The following IMMP2L variants were observed in gnomAD, a reference collection of about 807,000 sequenced individuals.
IMMP2L encodes the protein inner mitochondrial membrane peptidase subunit 2.
A neutral mutation model predicts 19.3 loss-of-function variants in IMMP2L; 18 were observed. The ratio of observed to expected loss-of-function variants is 0.93; its 90% CI spans 0.64 to 1.38. The LOEUF is 1.38. IMMP2L is among the 40% of genes most tolerant of loss of function. The probability of loss-of-function intolerance (pLI) is 0.00; values close to 1 mark genes in which losing one functional copy is unlikely to be tolerated. For synonymous variants in IMMP2L, 76 were observed against 73.0 expected, an observed-to-expected ratio of 1.04 and a Z score of -0.21; for missense variants, 233 against 218.2, an observed-to-expected ratio of 1.07 and a Z score of -0.43.
chr7:111,476,590 G>A (rs1841745444), intron 3 of IMMP2L, among the ~76,000 whole-genome samples: 1 of 152,118 alleles, frequency 6.6e-6, no homozygotes, highest in Non-Finnish European at 1.5e-5. Context: ...GGTGTCAGTG[G>A]GACTAGGTCC....
At chr7:110,751,516 A>G (rs1797719297) in intron 5 of IMMP2L, among the ~76,000 whole-genome samples, 1 of 152,042 alleles carries the variant, frequency 6.6e-6, no homozygotes, top group South Asian at 2.1e-4. Context: ...AGCACTAAAG[A>G]GAAAAAAAGA....
intron 2 of IMMP2L, among the ~76,000 whole-genome samples, chr7:111,492,124 C>A (rs1023276443): frequency 1.3e-5 from 2 of 151,314 alleles, no homozygotes; most frequent in African/African-American, 4.9e-5. Context: ...TCTATAAGCT[C>A]TTTTTTTTTC....
At chr7:110,970,687 C>A (rs1157454825) in intron 3 of IMMP2L, among the ~76,000 whole-genome samples, 10 of 152,078 alleles carry the variant, frequency 6.6e-5, no homozygotes, top group African/African-American at 2.4e-4. Flanking sequence ...GAAGCACCAC[C>A]GCTCTGTTCC....
At chr7:110,748,413 G>A (rs1426077526) in intron 5 of IMMP2L, among the ~76,000 whole-genome samples, 1 of 152,080 alleles carries the variant, frequency 6.6e-6, no homozygotes, top group Non-Finnish European at 1.5e-5. Flanking sequence ...AATTTCATAT[G>A]GAACCAAAAA....
At chr7:111,418,839 A>T (rs978271234) in intron 3 of IMMP2L, among the ~76,000 whole-genome samples, 2 of 151,912 alleles carry the variant, frequency 1.3e-5, no homozygotes, top group African/African-American at 4.9e-5. Flanking sequence ...TTATATTTGT[A>T]CACATACAAA....
At chr7:111,534,228 C>G (rs539504084) in intron 1 of IMMP2L, among the ~76,000 whole-genome samples, 1 of 152,082 alleles carries the variant, frequency 6.6e-6, no homozygotes, top group African/African-American at 2.4e-5. Context: ...ATTCAACATA[C>G]CATTTTTATT....
intron 3 of IMMP2L, among the ~76,000 whole-genome samples, chr7:111,471,984 C>A (rs947796877): frequency 1.3e-5 from 2 of 152,058 alleles, no homozygotes; most frequent in African/African-American, 4.8e-5. Flanking sequence ...CTCTATTATT[C>A]CACCTCTTGA....
In IMMP2L at chr7:111,281,124, GAGAAAGAGAGAAAGACAGAAAGAC is replaced by G. The variant is rs1563003840; in HGVS notation, c.239+206090_239+206113del. On this transcript the variant is annotated intron_variant, in intron 3 of 5. Transcript: ENST00000405709. The stretch of plus-strand genomic sequence containing the variant: ...AGAGAAAGAGAGAAAGAGAGAAAGA[GAGAAAGAGAGAAAGACAGAAAGAC>G]AGAAAGACAGAAAGAAAGAAAGAAA... Among the ~76,000 whole-genome samples the G allele has an allele frequency of 1.6e-3, 115 of 71,834 alleles. 4 individuals are homozygous for G. Among genetic ancestry groups the G allele is most frequent in the Admixed American group, 3.7e-3 (20 of 5,472 alleles). 47.1% of individuals were successfully genotyped at this position (71,834 alleles called of 152,430 possible). A position where few individuals can be genotyped will look rare whatever the true frequency, so the allele number is the denominator to read the frequency against.
chr7:110,723,732 C>T (rs1795718245), intron 5 of IMMP2L, among the ~76,000 whole-genome samples: 1 of 151,616 alleles, frequency 6.6e-6, no homozygotes, highest in Non-Finnish European at 1.5e-5. Context: ...GGCCATGGAG[C>T]CAAATGAATT....
intron 5 of IMMP2L, among the ~76,000 whole-genome samples, chr7:110,701,680 C>T (rs1245650730): frequency 6.6e-6 from 1 of 152,106 alleles, no homozygotes. Context: ...CTGCCTTGGC[C>T]TCCCAAAATG....
chr7:110,764,792 C>A (rs1798561013), intron 5 of IMMP2L, among the ~76,000 whole-genome samples: 1 of 152,024 alleles, frequency 6.6e-6, no homozygotes, highest in Admixed American at 6.6e-5. Flanking sequence ...AGTGCAGCAT[C>A]ATTACTCCTG....
intron 3 of IMMP2L, among the ~76,000 whole-genome samples, chr7:111,038,575 A>C (rs962696444): frequency 6.6e-5 from 10 of 152,150 alleles, no homozygotes; most frequent in Non-Finnish European, 1.2e-4. Context: ...CTAAAATGTA[A>C]AGAGGTGAAG....
At chr7:111,333,508 A>C (rs115463269) in intron 3 of IMMP2L, among the ~76,000 whole-genome samples, 3,016 of 152,114 alleles carry the variant, frequency 0.02, 109 homozygotes, top group African/African-American at 0.069. Flanking sequence ...CAAGTTGACA[A>C]GGGGTCGACT....
At chr7:111,135,991 T>A (rs955163784) in intron 3 of IMMP2L, among the ~76,000 whole-genome samples, 1 of 152,128 alleles carries the variant, frequency 6.6e-6, no homozygotes, top group Non-Finnish European at 1.5e-5. Context: ...ATTACCATTA[T>A]ATAGTAAATA....
chr7:110,861,098 T>TGTGAGAGAGAGAGAGA (rs780880935), intron 5 of IMMP2L, among the ~76,000 whole-genome samples: 1 of 141,730 alleles, frequency 7.1e-6, no homozygotes, highest in African/African-American at 2.7e-5. Flanking sequence ...TGTGTGTGTG[T>TGTGAGAGAGAGAGAGA]GAGAGAGAGA....
intron 3 of IMMP2L, among the ~76,000 whole-genome samples, chr7:111,109,523 C>T (rs910345836): frequency 1.3e-5 from 2 of 152,060 alleles, no homozygotes; most frequent in Non-Finnish European, 2.9e-5. Flanking sequence ...ATCTGCGACA[C>T]AAAGCTTTAT....
intron 3 of IMMP2L, among the ~76,000 whole-genome samples, chr7:111,157,200 T>C (rs529230988): frequency 1.3e-5 from 2 of 152,176 alleles, no homozygotes; most frequent in East Asian, 1.9e-4. Context: ...AGAACTACCA[T>C]ATGATCCAGT....
At chr7:111,237,173 G>A (rs955065643) in intron 3 of IMMP2L, among the ~76,000 whole-genome samples, 1 of 152,124 alleles carries the variant, frequency 6.6e-6, no homozygotes, top group African/African-American at 2.4e-5. Flanking sequence ...CTCACACATA[G>A]AAGGCTCAAA....
intron 3 of IMMP2L, among the ~76,000 whole-genome samples, chr7:111,461,574 C>CT (rs764498962): frequency 8.6e-5 from 13 of 151,902 alleles, no homozygotes; most frequent in Non-Finnish European, 1.6e-4. Context: ...TCTTTGAAGT[C>CT]TTTGTTTGTA....
Sources: gnomAD v4.1 joint callset for allele counts (sites outside exome capture counted in the v4.1 genomes callset) on GRCh38, gnomAD v4.1.1 for gene constraint, MANE v1.5 for transcripts, NCBI Gene and HGNC (gene_info 2026-07-23, HGNC 2026-07-21) for gene names.